TNIK: variants seen among roughly 807,000 people sequenced by gnomAD.
TNIK encodes the protein TRAF2 and NCK-interacting protein kinase.
In TNIK, 49 loss-of-function variants were observed where a neutral mutation model predicts 191.3. The observed-to-expected ratio is 0.26, with a 90% CI of 0.20 to 0.32. The LOEUF is 0.32. Ranked by LOEUF, TNIK falls within the 10% of genes least tolerant of loss-of-function variation. The probability of loss-of-function intolerance (pLI) is 1.00; values close to 1 mark genes in which losing one functional copy is unlikely to be tolerated. For missense variants in TNIK, 1,155 were observed against 1,702.3 expected (o/e 0.68, Z 5.66); for synonymous variants, 594 against 600.9 (o/e 0.99, Z 0.17).
chr3:171,173,220 T>C (rs1472203124), intron 9 of TNIK, among the ~76,000 whole-genome samples: 1 of 133,152 alleles, frequency 7.5e-6, no homozygotes, highest in Non-Finnish European at 1.6e-5. Flanking sequence ...CTGTCTCTAC[T>C]AAAAAAAAAA....
chr3:171,175,150 G>T, intron 9 of TNIK, 102 bp downstream of exon 9: 1 of 1,094,274 alleles, frequency 9.1e-7, no homozygotes, highest in Non-Finnish European at 1.4e-6. Flanking sequence ...ATACATGTTA[G>T]TCTCATTCTA....
intron 7 of TNIK, among the ~76,000 whole-genome samples, chr3:171,179,486 C>T (rs1015118815): frequency 1.8e-4 from 27 of 151,782 alleles, no homozygotes; most frequent in Non-Finnish European, 1.5e-5. Context: ...GAGTCTCGCT[C>T]TGTCGCCCAG....
At chr3:171,399,588 G>A (rs184243586) in intron 1 of TNIK, among the ~76,000 whole-genome samples, 1 of 152,170 alleles carries the variant, frequency 6.6e-6, no homozygotes, top group African/African-American at 2.4e-5. Flanking sequence ...CTCAATGCTA[G>A]AGAATAGTAG....
rs142828845 is a variant in TNIK at position 171,273,064 on chromosome 3, C to T, written c.124-44843G>A. Among the ~76,000 whole-genome samples the T allele has an allele frequency of 2.2e-3, 328 of 152,314 alleles. 1 individual carries two copies. Among genetic ancestry groups the T allele is most frequent in the Non-Finnish European group, 3.5e-3 (239 of 68,038 alleles). On this transcript the variant is annotated intron_variant, in intron 2 of 32. Transcript: ENST00000436636. ...CCCATGGCTGCTAGGGCCAGTGTGG[C>T]GCTCACACAAGTTAGAAGCCCAGGG...
At chr3:171,168,395 C>G (rs182643256) in intron 9 of TNIK, among the ~76,000 whole-genome samples, 17 of 152,196 alleles carry the variant, frequency 1.1e-4, no homozygotes, top group Admixed American at 7.9e-4. Context: ...AGCCTTTGCC[C>G]GGCAGTCCCT....
At chr3:171,458,342 AG>A (rs1445293100) in intron 1 of TNIK, among the ~76,000 whole-genome samples, 1 of 152,082 alleles carries the variant, frequency 6.6e-6, no homozygotes, top group Non-Finnish European at 1.5e-5. Context: ...CCCGCTGCGC[AG>A]GGGGCAGCCG....
chr3:171,102,266 G>A (rs758753078), intron 21 of TNIK, among the ~76,000 whole-genome samples: 4 of 152,174 alleles, frequency 2.6e-5, no homozygotes, highest in East Asian at 1.9e-4. Flanking sequence ...AACAACAAGA[G>A]TTCTCTTCCA....
At chr3:171,407,868 A>G (rs1427373415) in intron 1 of TNIK, among the ~76,000 whole-genome samples, 1 of 152,172 alleles carries the variant, frequency 6.6e-6, no homozygotes, top group Non-Finnish European at 1.5e-5. Flanking sequence ...AGTCCAGAAA[A>G]AAAGACATTC....
chr3:171,168,493 C>T (rs1734894852), intron 9 of TNIK, among the ~76,000 whole-genome samples: 1 of 152,216 alleles, frequency 6.6e-6, no homozygotes, highest in Non-Finnish European at 1.5e-5. Context: ...CATGACAGGG[C>T]ACTTTTGTAT....
In TNIK at chr3:171,174,274, A is replaced by G. The variant is rs1211774251; in HGVS notation, c.773+978T>C. On this transcript the variant is annotated intron_variant, in intron 9 of 32. Coordinates refer to ENST00000436636, the MANE Select transcript of TNIK (RefSeq NM_015028.4). ...TGTGTGTGGGTGGGTGGGAAACATG[A>G]GGACCCCAGTCAAGCGCCTGATCAT... 2.0e-5 allele frequency among the ~76,000 whole-genome samples: 3 copies of G among 152,106 alleles called. No homozygotes were observed. In the East Asian group the frequency reaches 5.8e-4, roughly 29 times the overall value.
chr3:171,449,315 G>A (rs975002502), intron 1 of TNIK, among the ~76,000 whole-genome samples: 4 of 152,084 alleles, frequency 2.6e-5, no homozygotes, highest in Admixed American at 1.3e-4. Flanking sequence ...CTAGATCTTT[G>A]AGGAATCGCC....
chr3:171,182,657 A>G (rs1736813089), intron 7 of TNIK, among the ~76,000 whole-genome samples: 1 of 152,170 alleles, frequency 6.6e-6, no homozygotes, highest in Non-Finnish European at 1.5e-5. Flanking sequence ...TGGCTGCTGG[A>G]AAGGGTGGGA....
At chr3:171,434,214 G>A (rs1410969252) in intron 1 of TNIK, among the ~76,000 whole-genome samples, 1 of 151,832 alleles carries the variant, frequency 6.6e-6, no homozygotes. Flanking sequence ...GGGATTACAG[G>A]TGTGAGCCAC....
intron 28 of TNIK, among the ~76,000 whole-genome samples, chr3:171,072,060 T>C (rs1488902678): frequency 6.6e-6 from 1 of 152,180 alleles, no homozygotes; most frequent in Non-Finnish European, 1.5e-5. Context: ...TTCATTACTC[T>C]TACCTACGTG....
At chr3:171,068,075 A>G (rs1344346246) in intron 30 of TNIK, among the ~76,000 whole-genome samples, 1 of 152,184 alleles carries the variant, frequency 6.6e-6, no homozygotes, top group Admixed American at 6.5e-5. Context: ...TAGTCTTGGG[A>G]TTACACACAG....
intron 12 of TNIK, among the ~76,000 whole-genome samples, chr3:171,146,893 C>CAAAA (rs34998782): frequency 1.8e-5 from 1 of 54,896 alleles, no homozygotes; most frequent in Non-Finnish European, 4.4e-5. Context: ...GACTTCATCT[C>CAAAA]AAAAAAAAAA....
At chr3:171,430,647 C>CAAAAAAAAAAAAAA (rs34307433) in intron 1 of TNIK, among the ~76,000 whole-genome samples, 2 of 113,964 alleles carry the variant, frequency 1.8e-5, no homozygotes, top group Non-Finnish European at 3.5e-5. Context: ...AAAAAACAGA[C>CAAAAAAAAAAAAAA]AAAAAAAAAA....
Position 171,131,199 on chromosome 3 carries a change from G to A in TNIK, c.1609-2321C>T, listed in dbSNP as rs558585981. 7.3e-4 allele frequency among the ~76,000 whole-genome samples: 111 copies of A among 151,152 alleles called. 1 individual carries two copies. In the East Asian group the frequency reaches 8.0e-3, roughly 11 times the overall value. On this transcript the variant is annotated intron_variant, in intron 15 of 32. Transcript: ENST00000436636. Reference sequence around the variant, plus strand: ...TAAAAATACAAAAAATTAGCCGGGCGTGGTAGCGGGCGCCGGTAGTCCCAG... The same window carrying A: ...TAAAAATACAAAAAATTAGCCGGGCATGGTAGCGGGCGCCGGTAGTCCCAG...
chr3:171,322,325 A>G (rs1446825354), intron 2 of TNIK, among the ~76,000 whole-genome samples: 2 of 152,128 alleles, frequency 1.3e-5, no homozygotes. Flanking sequence ...AATTTCACAA[A>G]TAGTGAAATT....
Sources: gnomAD v4.1 joint callset for allele counts (sites outside exome capture counted in the v4.1 genomes callset) on GRCh38, gnomAD v4.1.1 for gene constraint, MANE v1.5 for transcripts, NCBI Gene and HGNC (gene_info 2026-07-23, HGNC 2026-07-21) for gene names.